The following CRB1 variants were observed in gnomAD, a reference collection of about 807,000 sequenced individuals.
CRB1 encodes protein crumbs homolog 1.
In CRB1, 83 loss-of-function variants were observed where a neutral mutation model predicts 120.0. That is an observed-to-expected ratio of 0.69 (90% CI 0.58 to 0.83). CRB1 has a LOEUF of 0.83. CRB1 is among the 40% of genes least tolerant of loss of function. The pLI, the probability that CRB1 is intolerant of heterozygous loss-of-function variation, is 0.00. For missense variants in CRB1, 1,699 were observed against 1,687.6 expected, an observed-to-expected ratio of 1.01 and a Z score of -0.12; for synonymous variants, 625 against 612.5, an observed-to-expected ratio of 1.02 and a Z score of -0.30.
At position 197,421,942 on chromosome 1, in the gene CRB1, C is replaced by T. The variant is rs1470040992; in HGVS notation, c.2114C>T (p.Pro705Leu). ...QCDCHRPYEGPNCLREYVAGR... is the reference protein window; with the variant it reads ...QCDCHRPYEGLNCLREYVAGR... ...GACTGCCACAGGCCCTATGAAGGCC[C>T]CAACTGTCTGAGAGGTGAGAGAAAG... The change falls in exon 6 of 12, where the codon CCC becomes CTC. Residue 705 changes from proline to leucine, a missense_variant. Coordinates refer to ENST00000367400, the MANE Select transcript of CRB1 (RefSeq NM_201253.3). 7 of 1,613,894 alleles carry T rather than the reference C, an allele frequency of 4.3e-6. No individual in the cohort carries two copies. Among genetic ancestry groups the T allele is most frequent in the Non-Finnish European group, 5.1e-6 (6 of 1,180,014 alleles).
At chr1:197,449,298 T>C (rs1410903377) in intron 11 of CRB1, among the ~76,000 whole-genome samples, 1 of 152,168 alleles carries the variant, frequency 6.6e-6, no homozygotes, top group Non-Finnish European at 1.5e-5. Context: ...CTGGTCATTG[T>C]AGCTTATACA....
At chr1:197,390,493 G>A (rs1180177282) in intron 5 of CRB1, among the ~76,000 whole-genome samples, 1 of 151,994 alleles carries the variant, frequency 6.6e-6, no homozygotes, top group East Asian at 1.9e-4. Context: ...AGATGACAAG[G>A]TCAGAAGGCA....
chr1:197,291,724 C>G (rs933333851), intron 1 of CRB1, among the ~76,000 whole-genome samples: 3 of 151,792 alleles, frequency 2.0e-5, no homozygotes, highest in African/African-American at 7.2e-5. Flanking sequence ...TGTTATTATT[C>G]ATTGAAATTT....
At position 197,320,200 on chromosome 1, in the gene CRB1, G is replaced by T. The variant is rs140072105; in HGVS notation, c.71-8222G>T. On this transcript the variant is annotated intron_variant, in intron 1 of 11. Coordinates refer to ENST00000367400, the MANE Select transcript of CRB1 (RefSeq NM_201253.3). The stretch of plus-strand genomic sequence containing the variant: ...AATTGGAAAACCATAAATAGTCCTC[G>T]TGAGAAAGTGTGTTCACTCTGACAT... 6.6e-5 allele frequency among the ~76,000 whole-genome samples: 10 copies of T among 152,210 alleles called. No individual in the cohort carries two copies. The South Asian group carries it at 2.1e-3, about 32-fold the overall frequency.
chr1:197,363,977 G>A (rs938214583), intron 5 of CRB1: 7 of 1,366,828 alleles, frequency 5.1e-6, no homozygotes, highest in African/African-American at 2.9e-5. Context: ...CGGCGACAGA[G>A]GGAAAGCTAT....
At chr1:197,252,860 G>C in the CRB1 span, among the ~76,000 whole-genome samples, 21 of 151,394 alleles carry the variant, frequency 1.4e-4, no homozygotes, top group Non-Finnish European at 2.1e-4. Context: ...GAACAAATTC[G>C]CCCTTACATC....
At chr1:197,278,752 TTAAA>T (rs1252290096) in intron 1 of CRB1, among the ~76,000 whole-genome samples, 2 of 151,924 alleles carry the variant, frequency 1.3e-5, no homozygotes, top group South Asian at 2.1e-4. Flanking sequence ...ACAAATTTCT[TTAAA>T]TAACCATTAA....
At chr1:197,436,309 T>G (rs1424170287) in intron 9 of CRB1, among the ~76,000 whole-genome samples, 1 of 152,038 alleles carries the variant, frequency 6.6e-6, no homozygotes, top group Non-Finnish European at 1.5e-5. Flanking sequence ...TAGTGGAAAT[T>G]GATCATCAAA....
chr1:197,360,039 G>T (rs1022197498), intron 5 of CRB1, among the ~76,000 whole-genome samples: 1 of 152,102 alleles, frequency 6.6e-6, no homozygotes, highest in East Asian at 1.9e-4. Flanking sequence ...TCTTTTGAGG[G>T]ATAGTAAATA....
intron 2 of CRB1, among the ~76,000 whole-genome samples, chr1:197,332,927 C>G (rs1346714855): frequency 6.6e-6 from 1 of 152,070 alleles, no homozygotes; most frequent in Non-Finnish European, 1.5e-5. Context: ...AAGGGAAAAG[C>G]CAAAGTTGAG....
At chr1:197,432,755 G>A (rs1664934983) in intron 8 of CRB1, among the ~76,000 whole-genome samples, 1 of 152,118 alleles carries the variant, frequency 6.6e-6, no homozygotes. Context: ...ATTAAGCATA[G>A]ACAGTGAATG....
the CRB1 span, among the ~76,000 whole-genome samples, chr1:197,242,772 G>C: frequency 6.6e-6 from 1 of 152,078 alleles, no homozygotes; most frequent in Non-Finnish European, 1.5e-5. Context: ...TTGTACCTCT[G>C]GTAGAATTCA....
chr1:197,352,333 C>A (rs984401186), intron 4 of CRB1, among the ~76,000 whole-genome samples: 9 of 152,116 alleles, frequency 5.9e-5, no homozygotes, highest in African/African-American at 2.2e-4. Context: ...CAGAATCTTC[C>A]TAATGTTCAC....
intron 11 of CRB1, among the ~76,000 whole-genome samples, chr1:197,455,896 GAGACTAATTAT>G (rs1666261015): frequency 6.6e-6 from 1 of 151,914 alleles, no homozygotes; most frequent in Non-Finnish European, 1.5e-5. Flanking sequence ...AAATATTTTG[GAGACTAATTAT>G]AGACAGAAAG....
intron 8 of CRB1, among the ~76,000 whole-genome samples, chr1:197,430,512 G>A (rs192042034): frequency 1.4e-4 from 21 of 152,036 alleles, no homozygotes; most frequent in African/African-American, 3.1e-4. Flanking sequence ...TGTGTTGTCC[G>A]CAATATGCTT....
intron 4 of CRB1, among the ~76,000 whole-genome samples, chr1:197,352,125 AAACAT>A (rs1406263867): frequency 6.6e-6 from 1 of 152,230 alleles, no homozygotes; most frequent in Admixed American, 6.5e-5. Context: ...AATTGTTAAC[AAACAT>A]AATATAAGAA....
intron 5 of CRB1, among the ~76,000 whole-genome samples, chr1:197,387,685 G>T (rs1662286623): frequency 6.6e-6 from 1 of 151,536 alleles, no homozygotes; most frequent in Non-Finnish European, 1.5e-5. Flanking sequence ...ATTTTTTATT[G>T]GGTGCAACAA....
intron 5 of CRB1, among the ~76,000 whole-genome samples, chr1:197,405,804 C>T (rs1663346441): frequency 6.6e-6 from 1 of 151,882 alleles, no homozygotes; most frequent in African/African-American, 2.4e-5. Context: ...CGCCCGGTAG[C>T]TGCCCCGTCT....
intron 11 of CRB1, among the ~76,000 whole-genome samples, chr1:197,447,767 T>C (rs1345392452): frequency 1.3e-5 from 2 of 149,412 alleles, no homozygotes; most frequent in Admixed American, 6.8e-5. Flanking sequence ...GGTGGGAAGA[T>C]CACCTGAGCC....
Sources: gnomAD v4.1 joint callset for allele counts (sites outside exome capture counted in the v4.1 genomes callset) on GRCh38, gnomAD v4.1.1 for gene constraint, MANE v1.5 for transcripts, NCBI Gene and HGNC (gene_info 2026-07-23, HGNC 2026-07-21) for gene names.